Variants in CSMD1 observed in about 807,000 individuals in gnomAD.
CSMD1 encodes the protein CUB and sushi domain-containing protein 1.
A neutral mutation model predicts 417.5 loss-of-function variants in CSMD1; 213 were observed. That is an observed-to-expected ratio of 0.51 (90% CI 0.46 to 0.57). The LOEUF (loss-of-function observed/expected upper bound fraction) is 0.57, where lower values mean the gene tolerates loss of function less well. CSMD1 is among the 20% of genes least tolerant of loss of function. The pLI is 0.00. For missense variants in CSMD1, 6,923 were observed against 4,529.7 expected (o/e 1.53, Z -15.17); for synonymous variants, 2,862 against 1,736.8 (o/e 1.65, Z -16.11).
chr8:4,013,798 G>A (rs1796392492), intron 4 of CSMD1, among the ~76,000 whole-genome samples: 2 of 152,132 alleles, frequency 1.3e-5, no homozygotes, highest in African/African-American at 4.8e-5. Context: ...CTGAAACACA[G>A]CCAGTCTATC....
chr8:4,281,470 C>G (rs1190009486), intron 3 of CSMD1, among the ~76,000 whole-genome samples: 1 of 152,172 alleles, frequency 6.6e-6, no homozygotes, highest in Admixed American at 6.5e-5. Context: ...CTGGCACACT[C>G]CAACCTTCTG....
intron 1 of CSMD1, among the ~76,000 whole-genome samples, chr8:4,647,381 C>T (rs1324190888): frequency 2.0e-5 from 3 of 150,334 alleles, no homozygotes; most frequent in South Asian, 2.1e-4. Flanking sequence ...CGTAGGTACG[C>T]GTGTGCCACG....
At chr8:3,814,070 T>A (rs955709589) in intron 5 of CSMD1, among the ~76,000 whole-genome samples, 1 of 152,200 alleles carries the variant, frequency 6.6e-6, no homozygotes, top group Admixed American at 6.5e-5. Flanking sequence ...CTGCAAAATG[T>A]GTTTCAAATT....
chr8:3,564,600 T>G (rs1210417668), intron 10 of CSMD1, among the ~76,000 whole-genome samples: 1 of 151,326 alleles, frequency 6.6e-6, no homozygotes, highest in Non-Finnish European at 1.5e-5. Flanking sequence ...GTTCTCCATT[T>G]TATTTCTCAG....
intron 7 of CSMD1, among the ~76,000 whole-genome samples, chr8:3,678,890 C>G (rs1799513652): frequency 6.6e-6 from 1 of 152,160 alleles, no homozygotes; most frequent in Non-Finnish European, 1.5e-5. Flanking sequence ...ATTCAACATT[C>G]TTAAAGAAAA....
intron 1 of CSMD1, among the ~76,000 whole-genome samples, chr8:4,821,333 G>A (rs536447280): frequency 6.6e-6 from 1 of 152,148 alleles, no homozygotes; most frequent in South Asian, 2.1e-4. Context: ...CCGTTAGTCA[G>A]AGAAACTTTA....
At chr8:3,746,805 A>C (rs1797085640) in intron 6 of CSMD1, among the ~76,000 whole-genome samples, 1 of 152,176 alleles carries the variant, frequency 6.6e-6, no homozygotes, top group African/African-American at 2.4e-5. Flanking sequence ...TACCGAGAGA[A>C]ACAAAATAAT....
intron 2 of CSMD1, among the ~76,000 whole-genome samples, chr8:4,536,036 A>C (rs1259330744): frequency 6.6e-6 from 1 of 152,188 alleles, no homozygotes; most frequent in African/African-American, 2.4e-5. Context: ...ATTATTTTTG[A>C]AAACAGCTGA....
At chr8:3,989,457 G>C (rs952917292) in intron 5 of CSMD1, among the ~76,000 whole-genome samples, 2 of 152,200 alleles carry the variant, frequency 1.3e-5, no homozygotes, top group Non-Finnish European at 2.9e-5. Context: ...GCTGGAACGA[G>C]TTGTGGTAAC....
intron 18 of CSMD1, among the ~76,000 whole-genome samples, chr8:3,383,760 G>C (rs1198283515): frequency 6.6e-6 from 1 of 151,992 alleles, no homozygotes; most frequent in Non-Finnish European, 1.5e-5. Context: ...CAAAGAAAGA[G>C]ATGCTTTATA....
chr8:3,181,901 C>T (rs952350418), intron 36 of CSMD1, among the ~76,000 whole-genome samples: 2 of 152,078 alleles, frequency 1.3e-5, no homozygotes, highest in African/African-American at 4.8e-5. Context: ...AAAAGAAAAT[C>T]GTTCATCACT....
At chr8:4,027,429 C>A (rs1439955561) in intron 4 of CSMD1, among the ~76,000 whole-genome samples, 1 of 152,072 alleles carries the variant, frequency 6.6e-6, no homozygotes, top group Non-Finnish European at 1.5e-5. Flanking sequence ...GTGATTAGAT[C>A]ATGGGGGTGG....
chr8:3,357,914 TGATTC>T (rs1006070155), intron 21 of CSMD1, among the ~76,000 whole-genome samples: 9 of 152,182 alleles, frequency 5.9e-5, no homozygotes, highest in African/African-American at 1.7e-4. Flanking sequence ...ACAGATGATT[TGATTC>T]ATGTTTATTT....
chr8:4,511,289 C>T (rs1409810047), intron 2 of CSMD1, among the ~76,000 whole-genome samples: 3 of 152,096 alleles, frequency 2.0e-5, no homozygotes, highest in Admixed American at 6.5e-5. Context: ...GGGCTGGGAG[C>T]ACTCAGCCTC....
At position 4,714,351 on chromosome 8, in the gene CSMD1, G is replaced by T. The variant is rs373131314; in HGVS notation, c.86-76793C>A. ...CACTTGCAAAGTTTGGGGTCAGGGGGTCAAGAATTTAAATTAATATGTGTA... is the reference window on the plus strand; with the variant it reads ...CACTTGCAAAGTTTGGGGTCAGGGGTTCAAGAATTTAAATTAATATGTGTA... On this transcript the variant is annotated intron_variant, in intron 1 of 69. Coordinates refer to ENST00000635120, the MANE Select transcript of CSMD1 (RefSeq NM_033225.6). 2.8e-4 allele frequency among the ~76,000 whole-genome samples: 43 copies of T among 152,132 alleles called. 1 individual carries two copies. The highest frequency in any genetic ancestry group is 2.5e-3 in the East Asian group (13 of 5,178).
At chr8:4,845,492 C>A (rs1185013305) in intron 1 of CSMD1, among the ~76,000 whole-genome samples, 1 of 152,190 alleles carries the variant, frequency 6.6e-6, no homozygotes, top group Non-Finnish European at 1.5e-5. Context: ...GACAATTCAC[C>A]AATTTTGAAG....
intron 5 of CSMD1, among the ~76,000 whole-genome samples, chr8:3,783,767 G>A (rs1584992264): frequency 1.3e-5 from 2 of 152,278 alleles, no homozygotes; most frequent in East Asian, 1.9e-4. Flanking sequence ...CATATAAGGG[G>A]AAAAGAAAGT....
chr8:4,490,322 G>C (rs545598042), intron 2 of CSMD1, among the ~76,000 whole-genome samples: 6 of 152,254 alleles, frequency 3.9e-5, no homozygotes, highest in African/African-American at 1.4e-4. Context: ...TTACAGGCAT[G>C]AGCCACCATA....
At chr8:4,174,647 G>A (rs1242446050) in intron 3 of CSMD1, among the ~76,000 whole-genome samples, 1 of 145,610 alleles carries the variant, frequency 6.9e-6, no homozygotes, top group African/African-American at 2.6e-5. Context: ...GGGAATGTAG[G>A]AATTATAGGA....
Sources: gnomAD v4.1 joint callset for allele counts (sites outside exome capture counted in the v4.1 genomes callset) on GRCh38, gnomAD v4.1.1 for gene constraint, MANE v1.5 for transcripts, NCBI Gene and HGNC (gene_info 2026-07-23, HGNC 2026-07-21) for gene names.